Variants in FBP1 observed in about 807,000 individuals in gnomAD.
FBP1 encodes fructose-bisphosphatase 1.
In FBP1, 22 loss-of-function variants were observed where a neutral mutation model predicts 29.9. The observed-to-expected ratio is 0.74, with a 90% CI of 0.53 to 1.05. FBP1 has a LOEUF of 1.05. Ranked by LOEUF, FBP1 falls within the 50% of genes least tolerant of loss-of-function variation. The probability of loss-of-function intolerance (pLI) is 0.00; values close to 1 mark genes in which losing one functional copy is unlikely to be tolerated. For synonymous variants in FBP1, 175 were observed against 178.6 expected, an observed-to-expected ratio of 0.98 and a Z score of 0.16; for missense variants, 345 against 448.2, an observed-to-expected ratio of 0.77 and a Z score of 2.08.
At chr9:94,632,529 G>A (rs1291053447) in intron 1 of FBP1, among the ~76,000 whole-genome samples, 1 of 152,082 alleles carries the variant, frequency 6.6e-6, no homozygotes, top group East Asian at 1.9e-4. Context: ...TTAGTTGAGT[G>A]TGGTGGCAGG....
At chr9:94,607,572 C>T (rs1296559873) in intron 4 of FBP1, among the ~76,000 whole-genome samples, 1 of 152,172 alleles carries the variant, frequency 6.6e-6, no homozygotes, top group African/African-American at 2.4e-5. Flanking sequence ...CTGCCTCTTC[C>T]CACATAGCCC....
chr9:94,625,963 A>T (rs1423495664), intron 1 of FBP1, among the ~76,000 whole-genome samples: 1 of 152,124 alleles, frequency 6.6e-6, no homozygotes, highest in Non-Finnish European at 1.5e-5. Flanking sequence ...ACCTGCATGG[A>T]TGGGGCTGCC....
chr9:94,610,894 C>T (rs928128815), intron 3 of FBP1, among the ~76,000 whole-genome samples: 4 of 147,032 alleles, frequency 2.7e-5, no homozygotes, highest in Non-Finnish European at 4.5e-5. Context: ...CACGGAGTCT[C>T]GCTCTGTCGC....
intron 3 of FBP1, among the ~76,000 whole-genome samples, chr9:94,616,714 G>A (rs1827868996): frequency 6.6e-6 from 1 of 152,090 alleles, no homozygotes; most frequent in Admixed American, 6.6e-5. Flanking sequence ...TTACAGGCGT[G>A]AGCCACCGCA....
At chr9:94,626,447 G>A (rs1587864146) in intron 1 of FBP1, among the ~76,000 whole-genome samples, 1 of 152,172 alleles carries the variant, frequency 6.6e-6, no homozygotes, top group Non-Finnish European at 1.5e-5. Context: ...GCCGCAGTGA[G>A]TTAAGCTGGC....
In FBP1 at chr9:94,606,811, T is replaced by C. The variant is rs1827707087; in HGVS notation, c.705+4A>G. On this transcript the variant is annotated splice_donor_region_variant and intron_variant, in intron 5 of 6. Transcript: ENST00000375326. ...TGCACCACCCTCCCCGGGCCCTCACTTACTGGGGGGAACTTCTTCCTCTGG... is the reference window on the plus strand; with the variant it reads ...TGCACCACCCTCCCCGGGCCCTCACCTACTGGGGGGAACTTCTTCCTCTGG... The C allele has an allele frequency of 1.2e-6, 2 of 1,613,282 alleles. No homozygotes were observed. The highest frequency in any genetic ancestry group is 2.2e-5 in the South Asian group (2 of 91,028).
intron 1 of FBP1, among the ~76,000 whole-genome samples, chr9:94,630,783 T>C (rs1410421363): frequency 1.3e-5 from 2 of 152,188 alleles, no homozygotes; most frequent in African/African-American, 4.8e-5. Flanking sequence ...TGCTTCTTAC[T>C]GATGATGTGA....
intron 3 of FBP1, among the ~76,000 whole-genome samples, chr9:94,613,494 G>C (rs1201168320): frequency 5.9e-5 from 9 of 151,934 alleles, no homozygotes; most frequent in African/African-American, 2.2e-4. Flanking sequence ...GCCAGGCACC[G>C]TGGCTCATGC....
At chr9:94,607,845 C>T (rs973087349) in intron 4 of FBP1, among the ~76,000 whole-genome samples, 12 of 151,954 alleles carry the variant, frequency 7.9e-5, no homozygotes, top group Non-Finnish European at 1.0e-4. Context: ...ATATGGAATA[C>T]GTTGAAACCA....
At chr9:94,618,816 A>T (rs1031247933) in intron 2 of FBP1, among the ~76,000 whole-genome samples, 1 of 152,072 alleles carries the variant, frequency 6.6e-6, no homozygotes, top group African/African-American at 2.4e-5. Flanking sequence ...CTCTGCCTTC[A>T]GTGATATCAC....
In FBP1 at chr9:94,620,573, G is replaced by T. The variant is rs950278701; in HGVS notation, c.171-82C>A. On this transcript the variant is annotated intron_variant, in intron 1 of 6. Coordinates refer to ENST00000375326, the MANE Select transcript of FBP1 (RefSeq NM_000507.4). ...GTCCATAAACCCACCAAAAGTGAGT[G>T]TTCGGTAAGATTTAGAAGAAAGAGT... 3.7e-6 allele frequency: 5 copies of T among 1,357,618 alleles called. No individual in the cohort carries two copies. In the African/African-American group the frequency reaches 7.2e-5, roughly 20 times the overall value. The allele number at this position is 1,357,618 out of a possible 1,614,324, so 84.1% of individuals were successfully genotyped here.
intron 4 of FBP1, among the ~76,000 whole-genome samples, chr9:94,609,290 C>T (rs1033451072): frequency 1.3e-5 from 2 of 152,122 alleles, no homozygotes; most frequent in African/African-American, 2.4e-5. Context: ...GAAGCAATGT[C>T]GTCCACTGCT....
intron 1 of FBP1, among the ~76,000 whole-genome samples, chr9:94,636,013 A>G (rs1363829853): frequency 6.6e-6 from 1 of 152,228 alleles, no homozygotes; most frequent in Non-Finnish European, 1.5e-5. Context: ...ATATGACTGT[A>G]AAAGAGTATC....
intron 1 of FBP1, 69 bp from the exon 2 acceptor site, chr9:94,620,560 A>G: frequency 6.8e-7 from 1 of 1,464,306 alleles, no homozygotes; most frequent in Non-Finnish European, 9.5e-7. Flanking sequence ...CCATAAACCC[A>G]CCAAAAGTGA....
intron 1 of FBP1, among the ~76,000 whole-genome samples, chr9:94,622,650 G>T (rs972031829): frequency 1.3e-5 from 2 of 152,082 alleles, no homozygotes; most frequent in African/African-American, 4.8e-5. Context: ...AGCCTGCAAA[G>T]CACATCTCAT....
At chr9:94,629,632 T>C (rs1828073820) in intron 1 of FBP1, among the ~76,000 whole-genome samples, 1 of 152,022 alleles carries the variant, frequency 6.6e-6, no homozygotes, top group Non-Finnish European at 1.5e-5. Context: ...TGACATCACA[T>C]AACCCCCACT....
At chr9:94,625,304 G>A (rs1462536835) in intron 1 of FBP1, among the ~76,000 whole-genome samples, 1 of 152,100 alleles carries the variant, frequency 6.6e-6, no homozygotes, top group East Asian at 1.9e-4. Context: ...GAAGCTGAGG[G>A]CCACAGAAGG....
In FBP1 at chr9:94,620,330, C is replaced by G; in HGVS notation, c.332G>C (p.Arg111Thr). Residue 111 changes from arginine to threonine, a missense_variant and splice_region_variant, in exon 2 of 7, where the codon AGG becomes ACG. By Grantham distance (71) the Arg-to-Thr change is moderately conservative. Coordinates refer to ENST00000375326, the MANE Select transcript of FBP1 (RefSeq NM_000507.4). ...KHAIIVEPEK[R>T]GKYVVCFDPL... ...TCAATGGTGGAAGTACAGACCCACC[C>G]TTTTCTCCGGTTCCACTATGATGGC... 2 of 1,614,130 alleles carry G rather than the reference C, an allele frequency of 1.2e-6. No homozygotes were observed. The highest frequency in any genetic ancestry group is 3.3e-4 in the Middle Eastern group (2 of 6,048).
intron 3 of FBP1, among the ~76,000 whole-genome samples, chr9:94,613,352 T>C (rs996517123): frequency 6.6e-6 from 1 of 152,240 alleles, no homozygotes; most frequent in African/African-American, 2.4e-5. Context: ...AATCTTATTT[T>C]CTTATGCTCT....
Sources: allele counts gnomAD v4.1 joint callset (sites outside exome capture counted in the v4.1 genomes callset), GRCh38; gene constraint gnomAD v4.1.1; transcripts MANE v1.5; gene names NCBI Gene and HGNC (gene_info 2026-07-23, HGNC 2026-07-21).